Variants in CLEC2D observed in about 807,000 individuals in gnomAD.
The protein encoded by CLEC2D is C-type lectin related f.
CLEC2D carries 16 observed loss-of-function variants against 20.0 expected under a neutral mutation model. That is an observed-to-expected ratio of 0.80 (90% CI 0.54 to 1.22). The LOEUF (loss-of-function observed/expected upper bound fraction) is 1.22. Ranked by LOEUF, CLEC2D falls within the 50% of genes most tolerant of loss-of-function variation. The pLI, the probability that CLEC2D is intolerant of heterozygous loss-of-function variation, is 0.00. For synonymous variants in CLEC2D, 77 were observed against 71.1 expected (o/e 1.08, Z -0.42); for missense variants, 207 against 221.5 (o/e 0.93, Z 0.42).
Position 9,696,352 on chromosome 12 carries a change from G to C in CLEC2D, c.*1478G>C. The C allele has an allele frequency of 1.9e-6, 1 of 528,902 alleles. No individual in the cohort carries two copies. The highest frequency in any genetic ancestry group is 3.5e-6 in the Non-Finnish European group (1 of 289,536). The allele number at this position is 528,902 out of a possible 1,614,324, so 32.8% of individuals were successfully genotyped here. On this transcript the variant is annotated 3_prime_UTR_variant, in exon 5 of 5. Transcript: ENST00000290855. ...ACTTTCCCTACCATGTTTGATAAATGTTGTCCAGGTTCTATTGCCAAGAAT... is the reference window on the plus strand; with the variant it reads ...ACTTTCCCTACCATGTTTGATAAATCTTGTCCAGGTTCTATTGCCAAGAAT...
In CLEC2D at chr12:9,695,246, A is replaced by G. The variant is rs1865955789; in HGVS notation, c.*372A>G. On this transcript the variant is annotated 3_prime_UTR_variant, in exon 5 of 5. Coordinates refer to ENST00000290855, the MANE Select transcript of CLEC2D (RefSeq NM_013269.6). ...GACTTGTGCACAGGAACTCCTATTT[A>G]TACAACCATCAGATATCTTGAGACA... is the stretch of plus-strand genomic sequence containing the variant. 4.7e-6 allele frequency: 3 copies of G among 637,752 alleles called. No individual in the cohort carries two copies. In the South Asian group the frequency reaches 5.3e-5, roughly 11 times the overall value. 39.5% of individuals were successfully genotyped at this position (637,752 alleles called of 1,614,324 possible). A position where few individuals can be genotyped will look rare whatever the true frequency, so the allele number is the denominator to read the frequency against.
chr12:9,693,870 A>G (rs751344745), intron 4 of CLEC2D: 178 of 426,070 alleles, frequency 4.2e-4, no homozygotes, highest in Admixed American at 8.0e-4. Context: ...CAGTAGTACC[A>G]TCGTGGCTCA....
At chr12:9,670,514 T>C (rs1372528685) in intron 1 of CLEC2D, among the ~76,000 whole-genome samples, 2 of 152,224 alleles carry the variant, frequency 1.3e-5, no homozygotes, top group Non-Finnish European at 2.9e-5. Flanking sequence ...ATTTTGAGCA[T>C]TTTATACCAA....
chr12:9,698,662 CATAAA>C lies in CLEC2D; in HGVS notation c.*3795_*3799del, dbSNP rs1182302374. The C allele has an allele frequency of 6.6e-6, 1 of 152,010 alleles. No homozygotes were observed. Among genetic ancestry groups the C allele is most frequent in the East Asian group, 1.9e-4 (1 of 5,198 alleles). 9.4% of individuals were successfully genotyped at this position (152,010 alleles called of 1,614,324 possible). On this transcript the variant is annotated 3_prime_UTR_variant, in exon 5 of 5. Coordinates refer to ENST00000290855, the MANE Select transcript of CLEC2D (RefSeq NM_013269.6). The stretch of plus-strand genomic sequence containing the variant: ...CAGTGAAAATAAACAAATGAAATTG[CATAAA>C]ATAAAAAATGTTTCTGCACAGCAAA...
In CLEC2D at chr12:9,694,853, C is replaced by A; in HGVS notation, c.555C>A (p.Ser185=). The part of the protein sequence containing the change: ...RHYTERKWIC[S]KSDIHV ...ACACAGAGAGGAAGTGGATTTGTTC[C>A]AAATCAGATATACATGTCTAGATGT... is the stretch of plus-strand genomic sequence containing the variant. The change falls in exon 5 of 5, where the codon TCC becomes TCA. Residue 185 remains serine, a synonymous_variant. Coordinates refer to ENST00000290855, the MANE Select transcript of CLEC2D (RefSeq NM_013269.6). The A allele has an allele frequency of 6.3e-7, 1 of 1,599,236 alleles. No individual in the cohort carries two copies. The highest frequency in any genetic ancestry group is 8.6e-7 in the Non-Finnish European group (1 of 1,166,736).
intron 2 of CLEC2D, 99 bp downstream of exon 2, chr12:9,681,132 A>G (rs1865626981): frequency 1.3e-5 from 9 of 682,122 alleles, no homozygotes; most frequent in Non-Finnish European, 2.4e-6. Context: ...AGCTTTTAAT[A>G]TATTGTCTCA....
At chr12:9,682,757 C>A (rs1377370001) in intron 2 of CLEC2D, among the ~76,000 whole-genome samples, 4 of 152,164 alleles carry the variant, frequency 2.6e-5, no homozygotes, top group African/African-American at 9.7e-5. Context: ...TTTTCTTTAT[C>A]CAGTCTATCA....
chr12:9,697,604 T>C lies in CLEC2D; in HGVS notation c.*2730T>C, dbSNP rs911281322. On this transcript the variant is annotated 3_prime_UTR_variant, in exon 5 of 5. Coordinates refer to ENST00000290855, the MANE Select transcript of CLEC2D (RefSeq NM_013269.6). Reference sequence around the variant, plus strand: ...TAGGATCTACCCGACTGAGCTGGTCTCAGCACTGTTATTTGAAACAATGTA... The same window carrying C: ...TAGGATCTACCCGACTGAGCTGGTCCCAGCACTGTTATTTGAAACAATGTA... 6.6e-6 allele frequency: 1 copy of C among 152,128 alleles called. No homozygotes were observed. Among genetic ancestry groups the C allele is most frequent in the African/African-American group, 2.4e-5 (1 of 41,406 alleles). The allele number at this position is 152,128 out of a possible 1,614,324, so 9.4% of individuals were successfully genotyped here.
chr12:9,687,045 A>G (rs1256120741), intron 2 of CLEC2D, among the ~76,000 whole-genome samples: 2 of 152,218 alleles, frequency 1.3e-5, no homozygotes, highest in Non-Finnish European at 2.9e-5. Flanking sequence ...TTTGTGAAAG[A>G]CAACGTTTTC....
At position 9,692,902 on chromosome 12, in the gene CLEC2D, A is replaced by C; in HGVS notation, c.432A>C (p.Lys144Asn). ...GLSREQGQPW[K>N]WINGTEWTRQ... ...GCAGAGAACAAGGCCAACCATGGAA[A>C]TGGATAAATGGTACTGAATGGACAA... Residue 144 changes from lysine (K) to asparagine (N), a missense_variant, in exon 4 of 5, where the codon AAA (lysine) becomes AAC (asparagine). By Grantham distance (94) the Lys-to-Asn change is moderately conservative. Transcript: ENST00000290855. 1 of 1,613,608 alleles carries C rather than the reference A, an allele frequency of 6.2e-7. No individual in the cohort carries two copies. Among genetic ancestry groups the C allele is most frequent in the East Asian group, 2.2e-5 (1 of 44,862 alleles).
chr12:9,683,856 G>A (rs1865696454), intron 2 of CLEC2D, among the ~76,000 whole-genome samples: 1 of 149,962 alleles, frequency 6.7e-6, no homozygotes, highest in East Asian at 2.0e-4. Flanking sequence ...GGCTATACAG[G>A]CTCTTTTTTG....
In CLEC2D at chr12:9,687,967, AT is replaced by A; in HGVS notation, c.240del (p.Ile80MetfsTer40). On this transcript the variant is annotated frameshift_variant, in exon 3 of 5. Coordinates refer to ENST00000290855, the MANE Select transcript of CLEC2D (RefSeq NM_013269.6). LOFTEE classifies it high-confidence loss of function. ...TCAAGCTGCATGCCCAGAAAGCTGG[AT>A]TGGTTTTCAAAGAAAGTGTTTCTAT... ...CLQAACPESW[I>X]GFQRKCFYFS... 1 of 1,612,570 alleles carries A rather than the reference AT, an allele frequency of 6.2e-7. No individual in the cohort carries two copies. Among genetic ancestry groups the A allele is most frequent in the Non-Finnish European group, 8.5e-7 (1 of 1,179,270 alleles).
chr12:9,674,492 C>T (rs1300691752), intron 1 of CLEC2D, among the ~76,000 whole-genome samples: 1 of 152,208 alleles, frequency 6.6e-6, no homozygotes, highest in Non-Finnish European at 1.5e-5. Flanking sequence ...CTGCCTTCCG[C>T]ATTCATCTCA....
At chr12:9,681,870 A>G (rs1334087448) in intron 2 of CLEC2D, among the ~76,000 whole-genome samples, 1 of 152,198 alleles carries the variant, frequency 6.6e-6, no homozygotes, top group East Asian at 1.9e-4. Context: ...AATATACTTT[A>G]TACATTTATG....
At position 9,697,543 on chromosome 12, in the gene CLEC2D, G is replaced by C. The variant is rs1325846523; in HGVS notation, c.*2669G>C. Reference sequence around the variant, plus strand: ...TCCCACTTCACACCTCTATATTTCTGTGTGTGTGTCTTTAGTTCCTCTGGC... The same window carrying C: ...TCCCACTTCACACCTCTATATTTCTCTGTGTGTGTCTTTAGTTCCTCTGGC... On this transcript the variant is annotated 3_prime_UTR_variant, in exon 5 of 5. Transcript: ENST00000290855. 1.1e-5 allele frequency: 1 copy of C among 91,168 alleles called. No individual in the cohort carries two copies. The highest frequency in any genetic ancestry group is 2.0e-4 in the East Asian group (1 of 5,114). 5.6% of individuals were successfully genotyped at this position (91,168 alleles called of 1,614,324 possible). A position where few individuals can be genotyped will look rare whatever the true frequency, so the allele number is the denominator to read the frequency against.
intron 2 of CLEC2D, among the ~76,000 whole-genome samples, chr12:9,686,336 G>T (rs1203783359): frequency 6.6e-6 from 1 of 151,950 alleles, no homozygotes; most frequent in Admixed American, 6.6e-5. Context: ...CTTTAAATTG[G>T]TTGATACAGG....
At chr12:9,673,149 G>T (rs1197364317) in intron 1 of CLEC2D, among the ~76,000 whole-genome samples, 6 of 152,152 alleles carry the variant, frequency 3.9e-5, no homozygotes, top group Non-Finnish European at 8.8e-5. Flanking sequence ...AGGCACTCTG[G>T]CTTTTGGAAT....
At chr12:9,690,895 T>TAAA (rs1244466119) in intron 3 of CLEC2D, among the ~76,000 whole-genome samples, 7 of 152,070 alleles carry the variant, frequency 4.6e-5, no homozygotes, top group Non-Finnish European at 1.0e-4. Flanking sequence ...AAAGTAAATC[T>TAAA]TGTTTTAGTA....
intron 1 of CLEC2D, among the ~76,000 whole-genome samples, chr12:9,675,618 T>A (rs1865507295): frequency 6.6e-6 from 1 of 152,220 alleles, no homozygotes; most frequent in African/African-American, 2.4e-5. Flanking sequence ...TGTTTGCTTT[T>A]CTGGGTCTTT....
Sources: gnomAD v4.1 joint callset for allele counts (sites outside exome capture counted in the v4.1 genomes callset) on GRCh38, gnomAD v4.1.1 for gene constraint, MANE v1.5 for transcripts, NCBI Gene and HGNC (gene_info 2026-07-23, HGNC 2026-07-21) for gene names.